The following DYNC2H1 variants were observed in gnomAD, a reference collection of about 807,000 sequenced individuals.
DYNC2H1 encodes cytoplasmic dynein 2 heavy chain 1.
A neutral mutation model predicts 570.0 loss-of-function variants in DYNC2H1; 410 were observed. The ratio of observed to expected loss-of-function variants is 0.72; its 90% CI spans 0.66 to 0.78. DYNC2H1 has a LOEUF of 0.78. Among genes scored for constraint, DYNC2H1 ranks in the 30% least tolerant of loss-of-function variants. The probability of loss-of-function intolerance (pLI) is 0.00; values close to 1 mark genes in which losing one functional copy is unlikely to be tolerated. For synonymous variants in DYNC2H1, 1,688 were observed against 1,677.6 expected, an observed-to-expected ratio of 1.01 and a Z score of -0.15; for missense variants, 4,865 against 5,046.4, an observed-to-expected ratio of 0.96 and a Z score of 1.09.
intron 59 of DYNC2H1, 48 bp from the exon 60 acceptor site, chr11:103,231,212 T>C: frequency 8.4e-7 from 1 of 1,190,420 alleles, no homozygotes; most frequent in South Asian, 1.5e-5. Context: ...TGCTTTATAG[T>C]TGATATCTAA....
chr11:103,257,829 A>G, intron 69 of DYNC2H1, 78 bp downstream of exon 69: 1 of 1,255,890 alleles, frequency 8.0e-7, no homozygotes, highest in Non-Finnish European at 1.0e-6. Flanking sequence ...ATTTATAATA[A>G]AAATTATTAA....
chr11:103,180,376 C>T (rs1861798796), intron 39 of DYNC2H1, among the ~76,000 whole-genome samples: 1 of 151,420 alleles, frequency 6.6e-6, no homozygotes, highest in South Asian at 2.1e-4. Context: ...CAAATTTATA[C>T]AATTTATACA....
At chr11:103,141,705 C>T (rs1183666960) in intron 17 of DYNC2H1, among the ~76,000 whole-genome samples, 6 of 152,200 alleles carry the variant, frequency 3.9e-5, no homozygotes, top group Non-Finnish European at 1.5e-5. Context: ...TCTCAGATCT[C>T]CAGCTGCATG....
chr11:103,387,330 C>T (rs764582193), intron 83 of DYNC2H1, among the ~76,000 whole-genome samples: 50 of 152,114 alleles, frequency 3.3e-4, no homozygotes, highest in Non-Finnish European at 6.5e-4. Flanking sequence ...TATCCTTCAC[C>T]TACTTGTTGA....
chr11:103,462,188 T>C (rs1377418886), intron 87 of DYNC2H1, among the ~76,000 whole-genome samples: 3 of 152,198 alleles, frequency 2.0e-5, no homozygotes, highest in Non-Finnish European at 4.4e-5. Flanking sequence ...TCATTTCTCC[T>C]ATAGAATGAT....
At chr11:103,165,483 AC>A (rs1861267671) in intron 30 of DYNC2H1, among the ~76,000 whole-genome samples, 1 of 152,212 alleles carries the variant, frequency 6.6e-6, no homozygotes, top group Non-Finnish European at 1.5e-5. Flanking sequence ...AGACTTCAGT[AC>A]TATACTAAGA....
intron 40 of DYNC2H1, 127 bp from the exon 41 acceptor site, chr11:103,184,769 G>C (rs1421401275): frequency 2.0e-5 from 17 of 868,194 alleles, no homozygotes; most frequent in Non-Finnish European, 2.7e-5. Flanking sequence ...ACTTTCTACA[G>C]TTTGAATAGA....
At chr11:103,147,991 C>G in intron 19 of DYNC2H1, 104 bp downstream of exon 19, 1 of 789,944 alleles carries the variant, frequency 1.3e-6, no homozygotes, top group Non-Finnish European at 2.0e-6. Context: ...AAAACCAAAA[C>G]TGAACTAATT....
Position 103,326,008 on chromosome 11 carries a change from G to A in DYNC2H1, c.12039+2018G>A, listed in dbSNP as rs887011755. 6.6e-6 allele frequency among the ~76,000 whole-genome samples: 1 copy of A among 152,136 alleles called. No homozygotes were observed. Among genetic ancestry groups the A allele is most frequent in the African/African-American group, 2.4e-5 (1 of 41,410 alleles). On this transcript the variant is annotated intron_variant, in intron 82 of 88. Transcript: ENST00000375735. This position sits in a 1 kb window ranked among gnomAD's most constrained non-coding sequence, Gnocchi z 6.1. ...AGTTGGGTGCACTCAGTTGGGTTTG[G>A]TTTGGGGCGCTTTCAGAGGGCCAAG...
Position 103,275,936 on chromosome 11 carries a change from G to A in DYNC2H1, c.10696-4412G>A, listed in dbSNP as rs150642639. Among the ~76,000 whole-genome samples the A allele has an allele frequency of 2.0e-5, 3 of 152,128 alleles. No individual in the cohort carries two copies. Among genetic ancestry groups the A allele is most frequent in the Admixed American group, 1.3e-4 (2 of 15,268 alleles). On this transcript the variant is annotated intron_variant, in intron 70 of 88. Transcript: ENST00000375735. The surrounding 1 kb of genome is among the most constrained non-coding windows in gnomAD (Gnocchi z 4.8). ...AATATGTTTTGTTTTGTAAGAAACCGCTAACCTGCCTTCCAAAGTGGCTGT... is the reference window on the plus strand; with the variant it reads ...AATATGTTTTGTTTTGTAAGAAACCACTAACCTGCCTTCCAAAGTGGCTGT...
intron 75 of DYNC2H1, among the ~76,000 whole-genome samples, chr11:103,296,072 G>A (rs1219327470): frequency 1.3e-5 from 2 of 152,178 alleles, no homozygotes; most frequent in African/African-American, 4.8e-5. Context: ...TGTGCTGCCT[G>A]TGGTTGGGGT....
chr11:103,169,544 T>C (rs537562146), intron 32 of DYNC2H1, among the ~76,000 whole-genome samples: 1 of 152,298 alleles, frequency 6.6e-6, no homozygotes, highest in African/African-American at 2.4e-5. Context: ...AAGGGAAATG[T>C]ATTTGGGACC....
At chr11:103,412,810 C>T (rs918574443) in intron 84 of DYNC2H1, among the ~76,000 whole-genome samples, 13 of 152,142 alleles carry the variant, frequency 8.5e-5, no homozygotes, top group Non-Finnish European at 1.8e-4. Flanking sequence ...CATACATATA[C>T]ATATAGAACT....
chr11:103,214,711 G>A (rs1863309543), intron 54 of DYNC2H1, among the ~76,000 whole-genome samples: 1 of 151,712 alleles, frequency 6.6e-6, no homozygotes, highest in Admixed American at 6.6e-5. Flanking sequence ...CCAAAGTGCT[G>A]GGATTAGAGG....
chr11:103,424,719 AAG>A (rs1491340336), intron 84 of DYNC2H1, among the ~76,000 whole-genome samples: 4 of 151,816 alleles, frequency 2.6e-5, no homozygotes, highest in Admixed American at 2.6e-4. Context: ...AAAAAAAAAA[AAG>A]AGGAGGCAAC....
intron 29 of DYNC2H1, among the ~76,000 whole-genome samples, chr11:103,161,381 C>G (rs906825096): frequency 6.6e-6 from 1 of 152,034 alleles, no homozygotes; most frequent in Non-Finnish European, 1.5e-5. Flanking sequence ...AATCTCAGTA[C>G]AGGTGGAGTA....
rs1864578651 is a variant in DYNC2H1, at chr11:103,245,443, G to T, written c.10042+69G>T. On this transcript the variant is annotated intron_variant, in intron 65 of 88. Transcript: ENST00000375735. The surrounding 1 kb of genome is among the most constrained non-coding windows in gnomAD (Gnocchi z 4.5). ...TCCAAAGTAAGTAATTAAACCAGGT[G>T]CAAGCTTTCAAGAGTCCTCTTCCAG... is the stretch of plus-strand genomic sequence containing the variant. 2.7e-6 allele frequency: 4 copies of T among 1,474,378 alleles called. No individual in the cohort carries two copies. Among genetic ancestry groups the T allele is most frequent in the Non-Finnish European group, 2.7e-6 (3 of 1,103,026 alleles). The allele number at this position is 1,474,378 out of a possible 1,614,324, so 91.3% of individuals were successfully genotyped here.
rs201467394 is a variant in DYNC2H1, at chr11:103,186,277, T to A, written c.6669T>A (p.Phe2223Leu). The A allele has an allele frequency of 2.7e-5, 43 of 1,611,964 alleles. No homozygotes were observed. The highest frequency in any genetic ancestry group is 3.3e-5 in the Non-Finnish European group (39 of 1,178,842). The change falls in exon 42 of 89, where the codon TTT (phenylalanine) becomes TTA (leucine). Residue 2223 changes from phenylalanine to leucine, a missense_variant. Coordinates refer to ENST00000375735, the MANE Select transcript of DYNC2H1 (RefSeq NM_001377.3). The surrounding 1 kb of genome is among the most constrained non-coding windows in gnomAD (Gnocchi z 4.5). ...GGGCACGAGAATCTCCTCCAGACTT[T>A]CACAAACCTATGGATACCTACTATG... ...FHWARESPPD[F>L]HKPMDTYYDS...
At chr11:103,457,503 C>A (rs752669648) in intron 87 of DYNC2H1, among the ~76,000 whole-genome samples, 1 of 151,516 alleles carries the variant, frequency 6.6e-6, no homozygotes, top group Non-Finnish European at 1.5e-5. Context: ...GCATCTGTGT[C>A]TTCATTTTTA....
Sources: allele counts gnomAD v4.1 joint callset (sites outside exome capture counted in the v4.1 genomes callset), GRCh38; gene constraint gnomAD v4.1.1; non-coding constraint Gnocchi (gnomAD v3.1); transcripts MANE v1.5; gene names NCBI Gene and HGNC (gene_info 2026-07-23, HGNC 2026-07-21).